Variants in SMOC2 observed in about 807,000 individuals in gnomAD.
The protein encoded by SMOC2 is SPARC-related modular calcium-binding protein 2.
Under a neutral mutation model 61.4 loss-of-function variants are expected in SMOC2, and 39 were observed. That is an observed-to-expected ratio of 0.64 (90% CI 0.49 to 0.83). The LOEUF is 0.83. SMOC2 is among the 40% of genes least tolerant of loss of function. SMOC2 has a pLI of 0.00. For synonymous variants in SMOC2, 247 were observed against 239.9 expected (o/e 1.03, Z -0.27); for missense variants, 556 against 592.9 (o/e 0.94, Z 0.65).
At chr6:168,485,617 GA>G (rs1331624988) in intron 1 of SMOC2, among the ~76,000 whole-genome samples, 1 of 152,146 alleles carries the variant, frequency 6.6e-6, no homozygotes, top group Non-Finnish European at 1.5e-5. Flanking sequence ...CCAGAATAGG[GA>G]AATCTATAGA....
At chr6:168,513,409 G>A (rs2115055757) in intron 2 of SMOC2, among the ~76,000 whole-genome samples, 1 of 151,844 alleles carries the variant, frequency 6.6e-6, no homozygotes, top group East Asian at 1.9e-4. Context: ...AATTCCCGTG[G>A]TGAAAACTTG....
At chr6:168,582,158 T>A (rs186680713) in intron 7 of SMOC2, among the ~76,000 whole-genome samples, 1 of 152,152 alleles carries the variant, frequency 6.6e-6, no homozygotes, top group Non-Finnish European at 1.5e-5. Context: ...GTTGTAGGGA[T>A]CCCATGGATG....
At chr6:168,658,467 A>C (rs1583193279) in intron 11 of SMOC2, among the ~76,000 whole-genome samples, 1 of 152,200 alleles carries the variant, frequency 6.6e-6, no homozygotes, top group African/African-American at 2.4e-5. Context: ...CAAGGACTCC[A>C]TCCTGTTAGC....
Position 168,449,684 on chromosome 6 carries a change from A to G in SMOC2, c.84+8230A>G, listed in dbSNP as rs554734142. On this transcript the variant is annotated intron_variant, in intron 1 of 12. Coordinates refer to ENST00000356284, the MANE Select transcript of SMOC2 (RefSeq NM_001166412.2). ...CTTGGGACTGTCAGATAAACCGTGC[A>G]TGGCCATTCTTTGGCATTAAGATTC... Among the ~76,000 whole-genome samples, 94 of 152,306 alleles carry G rather than the reference A, an allele frequency of 6.2e-4. 1 individual carries two copies. Among genetic ancestry groups the G allele is most frequent in the African/African-American group, 2.2e-3 (91 of 41,568 alleles).
At chr6:168,643,505 C>T (rs1786944694) in intron 9 of SMOC2, among the ~76,000 whole-genome samples, 1 of 152,262 alleles carries the variant, frequency 6.6e-6, no homozygotes, top group African/African-American at 2.4e-5. Flanking sequence ...GCACTCTCCT[C>T]CCTGTTCCAA....
chr6:168,645,245 G>C (rs879907997), intron 9 of SMOC2, among the ~76,000 whole-genome samples: 1 of 152,112 alleles, frequency 6.6e-6, no homozygotes, highest in Non-Finnish European at 1.5e-5. Context: ...GCAATAAAAA[G>C]TCTCATTTTC....
At chr6:168,476,072 TA>T (rs1276774132) in intron 1 of SMOC2, among the ~76,000 whole-genome samples, 1 of 152,170 alleles carries the variant, frequency 6.6e-6, no homozygotes, top group Non-Finnish European at 1.5e-5. Context: ...CACACAAGCG[TA>T]AAAAGATAGA....
intron 9 of SMOC2, among the ~76,000 whole-genome samples, chr6:168,634,051 G>A (rs1168374591): frequency 6.6e-6 from 1 of 152,180 alleles, no homozygotes; most frequent in East Asian, 1.9e-4. Context: ...TGCCATGATT[G>A]TAAGTTTCCT....
chr6:168,508,933 G>T (rs764257419), intron 1 of SMOC2, among the ~76,000 whole-genome samples: 1 of 152,286 alleles, frequency 6.6e-6, no homozygotes, highest in East Asian at 1.9e-4. Context: ...TGATAGTCTG[G>T]GGACCAAAGG....
intron 11 of SMOC2, among the ~76,000 whole-genome samples, chr6:168,659,643 T>C (rs1374496982): frequency 3.6e-4 from 55 of 151,196 alleles, no homozygotes; most frequent in African/African-American, 1.3e-3. Context: ...GGTTGTAGGT[T>C]GGGTGAGGGT....
intron 1 of SMOC2, among the ~76,000 whole-genome samples, chr6:168,478,626 G>A (rs1317350718): frequency 6.6e-6 from 1 of 152,226 alleles, no homozygotes; most frequent in African/African-American, 2.4e-5. Flanking sequence ...AAACAGCACA[G>A]CTTCCCAGCT....
chr6:168,609,769 G>C (rs1309016978), intron 9 of SMOC2, among the ~76,000 whole-genome samples: 3 of 152,156 alleles, frequency 2.0e-5, no homozygotes, highest in East Asian at 3.9e-4. Flanking sequence ...ACTTCAATCT[G>C]TCTTTTGCCC....
intron 10 of SMOC2, among the ~76,000 whole-genome samples, chr6:168,651,580 C>T (rs973902933): frequency 1.3e-5 from 2 of 152,086 alleles, no homozygotes; most frequent in African/African-American, 4.8e-5. Context: ...GCCTTTCTCC[C>T]CATAGCCCCT....
chr6:168,456,041 C>T (rs775449313), intron 1 of SMOC2, among the ~76,000 whole-genome samples: 9 of 152,178 alleles, frequency 5.9e-5, no homozygotes, highest in Non-Finnish European at 1.0e-4. Context: ...ACGCCTCATA[C>T]CAGGGCCACC....
At chr6:168,499,956 C>G (rs1201306570) in intron 1 of SMOC2, among the ~76,000 whole-genome samples, 3 of 152,190 alleles carry the variant, frequency 2.0e-5, no homozygotes, top group Non-Finnish European at 2.9e-5. Flanking sequence ...GTGTTTAGAA[C>G]AATGCCTGGC....
At chr6:168,558,576 A>G (rs1028724382) in intron 7 of SMOC2, among the ~76,000 whole-genome samples, 3 of 152,152 alleles carry the variant, frequency 2.0e-5, no homozygotes, top group African/African-American at 7.2e-5. Context: ...CATCTTTAAA[A>G]TGGTAATGGT....
chr6:168,446,832 T>C lies in SMOC2; in HGVS notation c.84+5378T>C, dbSNP rs567065694. On this transcript the variant is annotated intron_variant, in intron 1 of 12. Transcript: ENST00000356284. ...AGGGTTAAAAAATTACAAATGAAAA[T>C]TTTATAATATCTGGCTTAATTTAAC... Among the ~76,000 whole-genome samples the C allele has an allele frequency of 2.0e-5, 3 of 152,262 alleles. No individual in the cohort carries two copies. In the East Asian group the frequency reaches 5.8e-4, roughly 29 times the overall value.
chr6:168,482,692 A>G (rs1224708580), intron 1 of SMOC2, among the ~76,000 whole-genome samples: 1 of 152,140 alleles, frequency 6.6e-6, no homozygotes, highest in African/African-American at 2.4e-5. Flanking sequence ...GCATATTAAA[A>G]GGAATATACA....
chr6:168,507,179 C>T lies in SMOC2; in HGVS notation c.85-2736C>T, dbSNP rs187553663. On this transcript the variant is annotated intron_variant, in intron 1 of 12. Transcript: ENST00000356284. ...CCTTTAGAGAAAATGATAATTACAG[C>T]GTCTTACCTAAGTTCTCAGCATCTC... Among the ~76,000 whole-genome samples the T allele has an allele frequency of 2.1e-3, 314 of 152,278 alleles. 1 individual carries two copies. Among genetic ancestry groups the T allele is most frequent in the African/African-American group, 7.1e-3 (295 of 41,552 alleles).
Sources: gnomAD v4.1 joint callset for allele counts (sites outside exome capture counted in the v4.1 genomes callset) on GRCh38, gnomAD v4.1.1 for gene constraint, MANE v1.5 for transcripts, NCBI Gene and HGNC (gene_info 2026-07-23, HGNC 2026-07-21) for gene names.